The following DAB1 variants were observed in gnomAD, a reference collection of about 807,000 sequenced individuals.
The protein encoded by DAB1 is disabled homolog 1.
Under a neutral mutation model 64.6 loss-of-function variants are expected in DAB1, and 15 were observed. The ratio of observed to expected loss-of-function variants is 0.23; its 90% CI spans 0.16 to 0.36. The LOEUF is 0.36. Ranked by LOEUF, DAB1 falls within the 10% of genes least tolerant of loss-of-function variation. The pLI is 1.00. For synonymous variants in DAB1, 235 were observed against 251.9 expected, an observed-to-expected ratio of 0.93 and a Z score of 0.64; for missense variants, 596 against 706.7, an observed-to-expected ratio of 0.84 and a Z score of 1.78.
At chr1:58,503,398 A>G (rs1029686199) in intron 3 of DAB1, among the ~76,000 whole-genome samples, 1 of 152,152 alleles carries the variant, frequency 6.6e-6, no homozygotes, top group Non-Finnish European at 1.5e-5. Context: ...TAATTACTAC[A>G]TATTATATCA....
intron 3 of DAB1, among the ~76,000 whole-genome samples, chr1:58,470,214 C>T (rs1287983914): frequency 6.6e-6 from 1 of 151,328 alleles, no homozygotes; most frequent in Non-Finnish European, 1.5e-5. Flanking sequence ...CATTCTGTCA[C>T]CCAGGTTGGA....
At chr1:58,345,291 C>G (rs1643983060) in intron 3 of DAB1, among the ~76,000 whole-genome samples, 1 of 152,124 alleles carries the variant, frequency 6.6e-6, no homozygotes, top group African/African-American at 2.4e-5. Flanking sequence ...TTTTTTCTAC[C>G]ACCCCCATGC....
intron 2 of DAB1, among the ~76,000 whole-genome samples, chr1:57,147,420 C>T (rs1231177183): frequency 6.6e-6 from 1 of 152,010 alleles, no homozygotes; most frequent in Non-Finnish European, 1.5e-5. Context: ...ACCTGTGGTC[C>T]TGACCCCCAG....
At chr1:58,353,387 C>T (rs1644077665) in intron 3 of DAB1, among the ~76,000 whole-genome samples, 1 of 152,210 alleles carries the variant, frequency 6.6e-6, no homozygotes, top group Admixed American at 6.5e-5. Flanking sequence ...TTTCTTTTCC[C>T]TTAGGCCTTC....
chr1:57,648,125 C>A (rs1646215182), intron 7 of DAB1, among the ~76,000 whole-genome samples: 1 of 152,162 alleles, frequency 6.6e-6, no homozygotes, highest in African/African-American at 2.4e-5. Context: ...CAGAGAATAG[C>A]TTTGTGGATG....
chr1:57,766,777 G>A (rs1294830770), intron 6 of DAB1, among the ~76,000 whole-genome samples: 2 of 124,840 alleles, frequency 1.6e-5, no homozygotes, highest in Non-Finnish European at 3.6e-5. Flanking sequence ...CCTCACTTCA[G>A]GTGCCAGTCA....
intron 4 of DAB1, among the ~76,000 whole-genome samples, chr1:58,172,581 T>C (rs1038865041): frequency 6.6e-6 from 1 of 152,204 alleles, no homozygotes; most frequent in African/African-American, 2.4e-5. Context: ...GGGGAACCAA[T>C]TGAGCATGAC....
At chr1:57,122,334 G>A (rs930555209) in intron 4 of DAB1, among the ~76,000 whole-genome samples, 1 of 152,184 alleles carries the variant, frequency 6.6e-6, no homozygotes. Flanking sequence ...TTTTACAGAT[G>A]AGAGTGTCAG....
rs139563403 is a variant in DAB1, at chr1:57,277,113, G to A, written c.67+13851C>T. 2.4e-4 allele frequency among the ~76,000 whole-genome samples: 36 copies of A among 152,238 alleles called. No homozygotes were observed. In the East Asian group the frequency reaches 4.8e-3, roughly 20 times the overall value. ...TCACCTATGACGTGCTAAAGTCCGC[G>A]ATAGGCACCTTCACACATGTACTCA... On this transcript the variant is annotated intron_variant, in intron 2 of 14. Coordinates refer to ENST00000371236, the MANE Select transcript of DAB1 (RefSeq NM_001365792.1).
At position 57,945,345 on chromosome 1, in the gene DAB1, G is replaced by A. The variant is rs528527070; in HGVS notation, n.388-61183C>T. 4.6e-5 allele frequency among the ~76,000 whole-genome samples: 7 copies of A among 152,042 alleles called. No individual in the cohort carries two copies. In the South Asian group the frequency reaches 1.5e-3, roughly 32 times the overall value. ...TTTGTTCATAGCTCACTGCAGCCTC[G>A]AATTCCTGGGCTCAAGCCATCCTCC... On this transcript the variant is annotated intron_variant and non_coding_transcript_variant, in intron 5 of 20. Coordinates refer to the DAB1 transcript ENST00000485760.
chr1:57,947,562 G>A (rs1048722163), intron 5 of DAB1, among the ~76,000 whole-genome samples: 5 of 152,036 alleles, frequency 3.3e-5, no homozygotes, highest in African/African-American at 9.7e-5. Flanking sequence ...CTTGCCAAAC[G>A]TCCCGTGGAA....
At chr1:57,101,247 T>C (rs1654662162) in intron 4 of DAB1, among the ~76,000 whole-genome samples, 1 of 152,206 alleles carries the variant, frequency 6.6e-6, no homozygotes, top group African/African-American at 2.4e-5. Flanking sequence ...TTTTTGAATC[T>C]CTTCTGTAGA....
At chr1:57,472,324 G>T (rs980108635) in intron 7 of DAB1, among the ~76,000 whole-genome samples, 10 of 152,222 alleles carry the variant, frequency 6.6e-5, no homozygotes, top group African/African-American at 1.9e-4. Flanking sequence ...TTACCAGCTT[G>T]ATTTAATGAG....
intron 4 of DAB1, among the ~76,000 whole-genome samples, chr1:58,280,288 C>T (rs746292688): frequency 2.0e-5 from 3 of 152,156 alleles, no homozygotes; most frequent in Non-Finnish European, 2.9e-5. Flanking sequence ...GATCTCCTGT[C>T]TCTTTCTGGG....
chr1:58,031,000 C>G (rs186410920), intron 5 of DAB1, among the ~76,000 whole-genome samples: 1 of 152,066 alleles, frequency 6.6e-6, no homozygotes, highest in Non-Finnish European at 1.5e-5. Flanking sequence ...TCTCCAGGTA[C>G]GAAGTTCTTC....
intron 6 of DAB1, among the ~76,000 whole-genome samples, chr1:57,803,081 A>G (rs1217868453): frequency 1.3e-5 from 2 of 152,212 alleles, no homozygotes; most frequent in Admixed American, 6.5e-5. Context: ...CACTCCATGC[A>G]GCTTGGTAAC....
intron 5 of DAB1, among the ~76,000 whole-genome samples, chr1:57,901,841 G>A (rs1569953489): frequency 6.6e-6 from 1 of 152,086 alleles, no homozygotes; most frequent in African/African-American, 2.4e-5. Context: ...CAACCCCACT[G>A]CGAATCCCAA....
At chr1:58,306,898 C>T (rs754639144) in intron 4 of DAB1, among the ~76,000 whole-genome samples, 56 of 152,196 alleles carry the variant, frequency 3.7e-4, no homozygotes, top group Middle Eastern at 3.2e-3. Context: ...TAACTCAAGT[C>T]CTTGTCGAGG....
rs1349209758 is a variant in DAB1 at position 57,547,634 on chromosome 1, T to C, written n.625+101958A>G. 4.6e-5 allele frequency among the ~76,000 whole-genome samples: 7 copies of C among 152,316 alleles called. No homozygotes were observed. In the East Asian group the frequency reaches 1.4e-3, roughly 29 times the overall value. ...CTGAAACTATTGTGAACGTATTTAC[T>C]TTTTAACAAACAAATATGCACATAA... On this transcript the variant is annotated intron_variant and non_coding_transcript_variant, in intron 7 of 20. Coordinates refer to the DAB1 transcript ENST00000485760.
Sources: allele counts gnomAD v4.1 joint callset (sites outside exome capture counted in the v4.1 genomes callset), GRCh38; gene constraint gnomAD v4.1.1; transcripts MANE v1.5; gene names NCBI Gene and HGNC (gene_info 2026-07-23, HGNC 2026-07-21).